The following VPS13B variants were observed in gnomAD, a reference collection of about 807,000 sequenced individuals.
VPS13B encodes intermembrane lipid transfer protein VPS13B.
Under a neutral mutation model 426.4 loss-of-function variants are expected in VPS13B, and 285 were observed. The observed-to-expected ratio is 0.67, with a 90% CI of 0.61 to 0.74. VPS13B has a LOEUF of 0.74. VPS13B is among the 30% of genes least tolerant of loss of function. The pLI is 0.00. For synonymous variants in VPS13B, 1,676 were observed against 1,676.4 expected (o/e 1.00, Z 0.01); for missense variants, 4,537 against 4,782.6 (o/e 0.95, Z 1.51).
At chr8:99,859,592 C>G in intron 57 of VPS13B, 112 bp downstream of exon 57, 1 of 1,405,442 alleles carries the variant, frequency 7.1e-7, no homozygotes, top group Non-Finnish European at 9.7e-7. Flanking sequence ...CTTTGTTTGG[C>G]CTTTTAGCTT....
chr8:99,020,271 T>G (rs1269711821), intron 2 of VPS13B, among the ~76,000 whole-genome samples: 1 of 152,212 alleles, frequency 6.6e-6, no homozygotes, highest in Non-Finnish European at 1.5e-5. Flanking sequence ...TTATTAGCTA[T>G]GTTTGTCTTC....
intron 23 of VPS13B, among the ~76,000 whole-genome samples, chr8:99,450,450 T>C (rs1320095678): frequency 6.6e-6 from 1 of 152,206 alleles, no homozygotes; most frequent in Non-Finnish European, 1.5e-5. Context: ...GTGTGGTGGC[T>C]CATTCCTGTA....
intron 33 of VPS13B, among the ~76,000 whole-genome samples, chr8:99,632,503 G>C (rs1484801233): frequency 6.6e-6 from 1 of 151,938 alleles, no homozygotes. Context: ...TAGCTGACCA[G>C]AGATATTGTT....
intron 33 of VPS13B, among the ~76,000 whole-genome samples, chr8:99,616,807 T>C (rs2133885188): frequency 1.3e-5 from 2 of 152,246 alleles, no homozygotes; most frequent in African/African-American, 4.8e-5. Context: ...TGTAAATAAA[T>C]ACACCAGATA....
chr8:99,800,339 T>C (rs1354158352), intron 43 of VPS13B, among the ~76,000 whole-genome samples: 3 of 152,118 alleles, frequency 2.0e-5, no homozygotes, highest in Non-Finnish European at 4.4e-5. Flanking sequence ...AGCTCATGTT[T>C]TTTCAGTCAC....
chr8:99,509,440 A>G (rs1004033427), intron 28 of VPS13B, among the ~76,000 whole-genome samples: 4 of 152,164 alleles, frequency 2.6e-5, no homozygotes, highest in South Asian at 2.1e-4. Flanking sequence ...AAATACAAAA[A>G]TAATTTATTT....
Position 99,024,456 on chromosome 8 carries a change from C to T in VPS13B, c.147+10521C>T, listed in dbSNP as rs574466802. Among the ~76,000 whole-genome samples, 22 of 152,302 alleles carry T rather than the reference C, an allele frequency of 1.4e-4. No homozygotes were observed. In the East Asian group the frequency reaches 4.0e-3, roughly 28 times the overall value. On this transcript the variant is annotated intron_variant, in intron 2 of 61. Coordinates refer to ENST00000357162, the MANE Select transcript of VPS13B (RefSeq NM_152564.5). ...CAGGAATTACATTTAAGTCTTTAGT[C>T]CATCTTGAGTTGATTTTTGTATATG...
chr8:99,440,827 C>T (rs1162605008), intron 22 of VPS13B, among the ~76,000 whole-genome samples: 1 of 151,936 alleles, frequency 6.6e-6, no homozygotes, highest in Non-Finnish European at 1.5e-5. Flanking sequence ...AATTACCTCA[C>T]AATATTGAAA....
At chr8:99,067,305 A>G (rs1333453371) in intron 3 of VPS13B, among the ~76,000 whole-genome samples, 3 of 152,232 alleles carry the variant, frequency 2.0e-5, no homozygotes, top group Admixed American at 6.5e-5. Flanking sequence ...ATGGAATACT[A>G]TGCAGCCATA....
chr8:99,865,541 A>AC (rs992426832), intron 58 of VPS13B, among the ~76,000 whole-genome samples: 3 of 152,228 alleles, frequency 2.0e-5, no homozygotes, highest in African/African-American at 7.2e-5. Context: ...CAAGAGTTGC[A>AC]CATCCCAAGA....
chr8:99,784,791 A>G (rs1057432128), intron 43 of VPS13B, among the ~76,000 whole-genome samples: 24 of 152,124 alleles, frequency 1.6e-4, no homozygotes, highest in Admixed American at 7.2e-4. Context: ...CAGTTTTCTC[A>G]TATGTAAAAT....
chr8:99,731,901 G>GA (rs71701376), intron 39 of VPS13B, among the ~76,000 whole-genome samples: 9,924 of 152,212 alleles, frequency 0.065, 458 homozygotes, highest in African/African-American at 0.13. Context: ...ATCTAAGCCT[G>GA]AATCAACCCT....
intron 33 of VPS13B, among the ~76,000 whole-genome samples, chr8:99,610,780 T>C (rs2133874447): frequency 6.6e-6 from 1 of 152,248 alleles, no homozygotes; most frequent in Non-Finnish European, 1.5e-5. Context: ...AAATAAACAA[T>C]ATTAAAATGA....
rs117184828 is a variant in VPS13B, at chr8:99,793,541, A to T, written c.7941+9065A>T. Reference sequence around the variant, plus strand: ...CTTGATAGAGGTCTGTTTGGAAGATATTTGGGAGGTTAAAATCACCAGGAT... The same window carrying T: ...CTTGATAGAGGTCTGTTTGGAAGATTTTTGGGAGGTTAAAATCACCAGGAT... On this transcript the variant is annotated intron_variant, in intron 43 of 61. Coordinates refer to ENST00000357162, the MANE Select transcript of VPS13B (RefSeq NM_152564.5). Among the ~76,000 whole-genome samples the T allele has an allele frequency of 5.2e-3, 790 of 152,128 alleles. 4 individuals are homozygous for T. Among genetic ancestry groups the T allele is most frequent in the Non-Finnish European group, 7.0e-3 (478 of 67,982 alleles).
intron 44 of VPS13B, among the ~76,000 whole-genome samples, chr8:99,812,906 C>A (rs2130796692): frequency 6.6e-6 from 1 of 152,210 alleles, no homozygotes; most frequent in South Asian, 2.1e-4. Context: ...TGGAAATCTT[C>A]AATACACATC....
rs1473781480 is a variant in VPS13B, at chr8:99,817,813, G to A, written c.8361+10G>A. On this transcript the variant is annotated intron_variant, in intron 45 of 61. Coordinates refer to ENST00000357162, the MANE Select transcript of VPS13B (RefSeq NM_152564.5). ...CAGCATTGTCATTCAGGTTTGAAAA[G>A]ACGTTCAATCTAGAATAGAGCAGCT... The A allele has an allele frequency of 6.2e-7, 1 of 1,613,898 alleles. No individual in the cohort carries two copies. The highest frequency in any genetic ancestry group is 1.3e-5 in the African/African-American group (1 of 74,902).
chr8:99,312,235 C>T (rs1327898729), intron 19 of VPS13B, among the ~76,000 whole-genome samples: 5 of 152,086 alleles, frequency 3.3e-5, no homozygotes, highest in Non-Finnish European at 4.4e-5. Flanking sequence ...TTATTTTGCT[C>T]GTTAGTTGAT....
intron 19 of VPS13B, among the ~76,000 whole-genome samples, chr8:99,331,381 G>A (rs149615420): frequency 3.6e-4 from 55 of 151,822 alleles, no homozygotes; most frequent in Middle Eastern, 3.4e-3. Context: ...GTCAGCCTGT[G>A]TAGCAACACT....
intron 25 of VPS13B, among the ~76,000 whole-genome samples, chr8:99,489,606 A>G (rs1820492999): frequency 6.6e-6 from 1 of 152,172 alleles, no homozygotes; most frequent in African/African-American, 2.4e-5. Flanking sequence ...TTCTCATTGA[A>G]GAGGTCCTTC....
Sources: allele counts gnomAD v4.1 joint callset (sites outside exome capture counted in the v4.1 genomes callset), GRCh38; gene constraint gnomAD v4.1.1; transcripts MANE v1.5; gene names NCBI Gene and HGNC (gene_info 2026-07-23, HGNC 2026-07-21).